Variants in SHROOM3 observed in about 807,000 individuals in gnomAD.
SHROOM3 encodes the protein protein Shroom3.
SHROOM3 carries 47 observed loss-of-function variants against 138.6 expected under a neutral mutation model. The ratio of observed to expected loss-of-function variants is 0.34; its 90% CI spans 0.27 to 0.43. The LOEUF (loss-of-function observed/expected upper bound fraction) is 0.43. SHROOM3 is among the 20% of genes least tolerant of loss of function. The pLI is 1.00. For synonymous variants in SHROOM3, 1,062 were observed against 1,063.3 expected, an observed-to-expected ratio of 1.00 and a Z score of 0.02; for missense variants, 2,491 against 2,596.5, an observed-to-expected ratio of 0.96 and a Z score of 0.88.
chr4:76,578,681 G>A (rs1244759559), intron 2 of SHROOM3, among the ~76,000 whole-genome samples: 1 of 152,144 alleles, frequency 6.6e-6, no homozygotes. Context: ...GAAAGGTCTT[G>A]ATGGAACCTT....
chr4:76,709,803 A>G, intron 2 of SHROOM3: 1 of 292,898 alleles, frequency 3.4e-6, no homozygotes, highest in Non-Finnish European at 6.6e-6. Flanking sequence ...CAGTGAATCC[A>G]GTTTTTCCCT....
Position 76,460,416 on chromosome 4 carries a change from ACTAT to A in SHROOM3, c.168+24200_168+24203del, listed in dbSNP as rs139670756. ...CACCGTTGCGACCTTTATGTATCTT[ACTAT>A]CTAAGGTTTTTAAATCCATATTACA... On this transcript the variant is annotated intron_variant, in intron 1 of 10. Transcript: ENST00000296043. 1.6e-3 allele frequency among the ~76,000 whole-genome samples: 240 copies of A among 152,326 alleles called. 1 individual carries two copies. Among genetic ancestry groups the A allele is most frequent in the African/African-American group, 5.5e-3 (229 of 41,592 alleles).
chr4:76,496,844 C>T (rs1214420264), intron 1 of SHROOM3, among the ~76,000 whole-genome samples: 1 of 152,178 alleles, frequency 6.6e-6, no homozygotes, highest in East Asian at 1.9e-4. Context: ...GAGTCCACTT[C>T]TGTATTATAT....
intron 2 of SHROOM3, chr4:76,586,272 G>C: frequency 1.0e-6 from 1 of 985,704 alleles, no homozygotes; most frequent in Non-Finnish European, 1.2e-6. Context: ...TGTGGTGTCA[G>C]ACACCTGTGT....
In SHROOM3 at chr4:76,555,736, A is replaced by G. The variant is rs367678023; in HGVS notation, c.296A>G (p.Tyr99Cys). ...GCAGTTTCCCTGGTGAAAGGATCCT[A>G]CAAGACCCTCAGGCTGGTAGTGCGC... is the stretch of plus-strand genomic sequence containing the variant. ...KEAVSLVKGS[Y>C]KTLRLVVRRD... The change falls in exon 2 of 11, where the codon TAC becomes TGC. Residue 99 changes from tyrosine to cysteine, a missense_variant. By Grantham distance (194) the Tyr-to-Cys change is radical. Transcript: ENST00000296043. 37 of 1,613,698 alleles carry G rather than the reference A, an allele frequency of 2.3e-5. No individual in the cohort carries two copies. In the South Asian group the frequency reaches 3.7e-4, roughly 16 times the overall value.
intron 3 of SHROOM3, among the ~76,000 whole-genome samples, chr4:76,721,213 A>G (rs1160341024): frequency 6.6e-6 from 1 of 150,638 alleles, no homozygotes; most frequent in African/African-American, 2.4e-5. Context: ...TGGGAGGCTG[A>G]GGCAGGAGAA....
rs374194465 is a variant in SHROOM3 at position 76,755,154 on chromosome 4, G to C, written c.4671G>C (p.Ala1557=). The C allele has an allele frequency of 6.2e-7, 1 of 1,613,626 alleles. No individual in the cohort carries two copies. Among genetic ancestry groups the C allele is most frequent in the Non-Finnish European group, 8.5e-7 (1 of 1,179,908 alleles). ...CTCCTCCCCACACTGTATGTGAGGC[G>C]CAGCTGGACAGTGAGGATCCCGAGG... ...PPPPPHTVCE[A]QLDSEDPEGP... is the part of the protein sequence containing the mutation. Residue 1557 remains alanine (A), a synonymous_variant, in exon 7 of 11, where the codon GCG becomes GCC. Transcript: ENST00000296043.
intron 1 of SHROOM3, among the ~76,000 whole-genome samples, chr4:76,545,871 CTA>C (rs1394500772): frequency 6.6e-6 from 1 of 152,120 alleles, no homozygotes; most frequent in Non-Finnish European, 1.5e-5. Flanking sequence ...GGATTTATAC[CTA>C]TGTTGGTCTG....
At chr4:76,626,620 T>C (rs1039709693) in intron 2 of SHROOM3, among the ~76,000 whole-genome samples, 1 of 152,214 alleles carries the variant, frequency 6.6e-6, no homozygotes, top group Non-Finnish European at 1.5e-5. Context: ...TCAGAGTCAA[T>C]GCCAGGCATT....
intron 2 of SHROOM3, among the ~76,000 whole-genome samples, chr4:76,584,224 A>G (rs982493408): frequency 3.3e-4 from 50 of 152,262 alleles, no homozygotes; most frequent in African/African-American, 1.2e-3. Context: ...AGGCTGAGGC[A>G]GGAGAATCTC....
chr4:76,568,395 G>A (rs751777726), intron 2 of SHROOM3, among the ~76,000 whole-genome samples: 1 of 152,122 alleles, frequency 6.6e-6, no homozygotes, highest in South Asian at 2.1e-4. Flanking sequence ...TATTTTTCCT[G>A]CATTAAGAGC....
chr4:76,563,049 C>A (rs4380545), intron 2 of SHROOM3, among the ~76,000 whole-genome samples: 26,268 of 152,142 alleles, frequency 0.17, 2,390 homozygotes, highest in East Asian at 0.29. Flanking sequence ...CATCATACCA[C>A]GGTGCTACTC....
chr4:76,472,665 T>C (rs1268606105), intron 1 of SHROOM3, among the ~76,000 whole-genome samples: 4 of 151,640 alleles, frequency 2.6e-5, no homozygotes, highest in Non-Finnish European at 4.4e-5. Context: ...TATGGGATAT[T>C]CCTGAATAAA....
intron 2 of SHROOM3, among the ~76,000 whole-genome samples, chr4:76,571,512 C>T (rs1200773319): frequency 6.6e-6 from 1 of 152,196 alleles, no homozygotes; most frequent in Non-Finnish European, 1.5e-5. Context: ...ACTCATTTGA[C>T]ATTAGCAAGT....
chr4:76,552,683 T>C (rs146306083), intron 1 of SHROOM3, among the ~76,000 whole-genome samples: 250 of 151,594 alleles, frequency 1.6e-3, no homozygotes, highest in African/African-American at 5.7e-3. Context: ...TATGTCTGCA[T>C]ATAATTTGTA....
intron 2 of SHROOM3, among the ~76,000 whole-genome samples, chr4:76,598,588 G>A (rs923707637): frequency 2.0e-5 from 3 of 152,178 alleles, no homozygotes; most frequent in Admixed American, 6.5e-5. Context: ...GGTGGAGATG[G>A]GGTAGAGGTG....
chr4:76,772,454 C>T lies in SHROOM3; in HGVS notation c.5622+1556C>T, dbSNP rs183768669. Reference sequence around the variant, plus strand: ...GCTCTCATGAATTCTCCAATAATTTCTCCTAATACATTGCATTAAAAGGAA... The same window carrying T: ...GCTCTCATGAATTCTCCAATAATTTTTCCTAATACATTGCATTAAAAGGAA... On this transcript the variant is annotated intron_variant, in intron 10 of 10. Transcript: ENST00000296043. Among the ~76,000 whole-genome samples, 350 of 152,216 alleles carry T rather than the reference C, an allele frequency of 2.3e-3. 3 individuals are homozygous for T. Among genetic ancestry groups the T allele is most frequent in the African/African-American group, 8.2e-3 (341 of 41,546 alleles).
intron 2 of SHROOM3, among the ~76,000 whole-genome samples, chr4:76,575,860 GA>G (rs1733926058): frequency 6.6e-6 from 1 of 152,028 alleles, no homozygotes; most frequent in South Asian, 2.1e-4. Context: ...CTCAAAAGAA[GA>G]CATATAAATG....
intron 1 of SHROOM3, among the ~76,000 whole-genome samples, chr4:76,516,048 G>A (rs561922955): frequency 1.3e-5 from 2 of 152,270 alleles, no homozygotes; most frequent in South Asian, 4.1e-4. Flanking sequence ...GATAATGAGA[G>A]AGATTGGGAG....
Sources: allele counts gnomAD v4.1 joint callset (sites outside exome capture counted in the v4.1 genomes callset), GRCh38; gene constraint gnomAD v4.1.1; transcripts MANE v1.5; gene names NCBI Gene and HGNC (gene_info 2026-07-23, HGNC 2026-07-21).